The following MEF2C variants were observed in gnomAD, a reference collection of about 807,000 sequenced individuals.
MEF2C encodes the protein myocyte-specific enhancer factor 2C.
Under a neutral mutation model 50.5 loss-of-function variants are expected in MEF2C, and 6 were observed. That is an observed-to-expected ratio of 0.12 (90% CI 0.07 to 0.23). The LOEUF is 0.23. MEF2C is among the 10% of genes least tolerant of loss of function. The pLI is 1.00. For synonymous variants in MEF2C, 183 were observed against 228.0 expected, an observed-to-expected ratio of 0.80 and a Z score of 1.78; for missense variants, 276 against 605.0, an observed-to-expected ratio of 0.46 and a Z score of 5.70.
At position 88,804,676 on chromosome 5, in the gene MEF2C, G is replaced by A. The variant is rs773278207; in HGVS notation, c.180C>T (p.Thr60=). 9.9e-5 allele frequency: 160 copies of A among 1,613,946 alleles called. No individual in the cohort carries two copies. The Admixed American group carries it at 2.4e-3, about 24-fold the overall frequency. The change falls in exon 3 of 11, where the codon ACC becomes ACT. Residue 60 remains threonine (T), a synonymous_variant. Transcript: ENST00000504921. Reference sequence around the variant, plus strand: ...ACTTGAGAAGCACTTTGTCCATGTCGGTGCTGGCATACTGGAACAGCTTGT... The same window carrying A: ...ACTTGAGAAGCACTTTGTCCATGTCAGTGCTGGCATACTGGAACAGCTTGT... ...STNKLFQYAS[T]DMDKVLLKYT... is the part of the protein sequence containing the mutation.
At chr5:88,738,262 T>A (rs1378747539) in intron 6 of MEF2C, 3 of 985,214 alleles carry the variant, frequency 3.0e-6, no homozygotes, top group African/African-American at 1.7e-5. Flanking sequence ...TCATTGACAA[T>A]CTTACCATCC....
At chr5:88,887,909 AGGTTTAC>A (rs1834168393), upstream of MEF2C, among the ~76,000 whole-genome samples, 1 of 152,228 alleles carries the variant, frequency 6.6e-6, no homozygotes, top group African/African-American at 2.4e-5. Flanking sequence ...TTTCAAGACA[AGGTTTAC>A]ACATATCTAA....
chr5:88,865,988 T>C (rs552362859), intron 1 of MEF2C, among the ~76,000 whole-genome samples: 33 of 152,032 alleles, frequency 2.2e-4, no homozygotes, highest in East Asian at 1.4e-3. Context: ...CTCCGCCTCC[T>C]GGGTTCACGC....
chr5:88,823,637 T>C (rs1269619950), intron 2 of MEF2C, 98 bp downstream of exon 2: 4 of 1,142,688 alleles, frequency 3.5e-6, no homozygotes, highest in Non-Finnish European at 5.0e-6. Context: ...CTTCTCTTAA[T>C]AGATATTTAC....
chr5:88,745,867 C>T (rs1027852318), intron 6 of MEF2C, among the ~76,000 whole-genome samples: 1 of 152,212 alleles, frequency 6.6e-6, no homozygotes, highest in Non-Finnish European at 1.5e-5. Flanking sequence ...TGGGCTCTTC[C>T]TTGTGCAATT....
chr5:88,862,261 A>G (rs1331700571), intron 1 of MEF2C, among the ~76,000 whole-genome samples: 1 of 152,142 alleles, frequency 6.6e-6, no homozygotes, highest in African/African-American at 2.4e-5. Context: ...TGGAACTAGT[A>G]TTTTTATTTT....
At chr5:88,725,840 C>T (rs1758471560) in intron 10 of MEF2C, among the ~76,000 whole-genome samples, 12 of 152,118 alleles carry the variant, frequency 7.9e-5, no homozygotes, top group Admixed American at 7.9e-4. Context: ...ACACCCACAT[C>T]AACAAAGTTG....
At chr5:88,756,952 A>G (rs1775647293) in intron 4 of MEF2C, among the ~76,000 whole-genome samples, 1 of 152,188 alleles carries the variant, frequency 6.6e-6, no homozygotes, top group Non-Finnish European at 1.5e-5. Context: ...TGGCTATGTA[A>G]TTTGCAGGGC....
chr5:88,820,865 T>C (rs779683180), intron 2 of MEF2C, among the ~76,000 whole-genome samples: 2 of 152,014 alleles, frequency 1.3e-5, no homozygotes, highest in East Asian at 1.9e-4. Flanking sequence ...ACTGCTCTCA[T>C]AGTAGGTGAG....
intron 4 of MEF2C, among the ~76,000 whole-genome samples, chr5:88,753,468 T>G (rs1385852524): frequency 6.6e-6 from 1 of 152,218 alleles, no homozygotes; most frequent in Non-Finnish European, 1.5e-5. Context: ...CCATCTCTGC[T>G]CACTGCAACC....
intron 1 of MEF2C, among the ~76,000 whole-genome samples, chr5:88,849,268 A>G (rs1158616971): frequency 6.6e-5 from 10 of 152,116 alleles, no homozygotes; most frequent in Non-Finnish European, 2.9e-5. Flanking sequence ...ATAAATCCAC[A>G]TGCTCCAACT....
intron 1 of MEF2C, among the ~76,000 whole-genome samples, chr5:88,864,806 G>A (rs1486393200): frequency 1.4e-5 from 2 of 148,046 alleles, no homozygotes; most frequent in Non-Finnish European, 3.0e-5. Flanking sequence ...TCGCTCTGTC[G>A]CCTAGGCCGG....
At chr5:88,731,980 A>G in intron 6 of MEF2C, 79 bp from the exon 7 acceptor site, 1 of 1,326,512 alleles carries the variant, frequency 7.5e-7, no homozygotes, top group Non-Finnish European at 1.0e-6. Context: ...ACATGAGAAT[A>G]AAAACAAAAG....
At chr5:88,729,405 A>G (rs1760410500) in intron 8 of MEF2C, 58 bp from the exon 9 acceptor site, 2 of 1,410,840 alleles carry the variant, frequency 1.4e-6, no homozygotes, top group East Asian at 5.0e-5. Context: ...TAAAAATATT[A>G]GATTTCAGTA....
chr5:88,813,999 A>T (rs1412134682), intron 2 of MEF2C, among the ~76,000 whole-genome samples: 1 of 152,004 alleles, frequency 6.6e-6, no homozygotes, highest in Non-Finnish European at 1.5e-5. Context: ...AGTTGAGGAA[A>T]CAGAATGACT....
chr5:88,860,208 A>T (rs369319412), intron 1 of MEF2C, among the ~76,000 whole-genome samples: 14 of 152,344 alleles, frequency 9.2e-5, no homozygotes, highest in Admixed American at 4.6e-4. Context: ...GGAAAGTGCC[A>T]AAGAAATGAA....
At chr5:88,864,975 C>A (rs926959290) in intron 1 of MEF2C, among the ~76,000 whole-genome samples, 1 of 152,048 alleles carries the variant, frequency 6.6e-6, no homozygotes, top group Non-Finnish European at 1.5e-5. Context: ...TCCAGGTTGG[C>A]CAGGCTGGCC....
At chr5:88,769,584 A>G (rs905515431) in intron 3 of MEF2C, among the ~76,000 whole-genome samples, 20 of 152,222 alleles carry the variant, frequency 1.3e-4, no homozygotes, top group Non-Finnish European at 2.9e-5. Flanking sequence ...AACATTTAAT[A>G]TATAATAATT....
At chr5:88,763,237 G>T (rs1778622587) in intron 3 of MEF2C, among the ~76,000 whole-genome samples, 2 of 152,126 alleles carry the variant, frequency 1.3e-5, no homozygotes, top group Non-Finnish European at 2.9e-5. Flanking sequence ...TTACAATCTT[G>T]GGGAATTTAT....
Sources: gnomAD v4.1 joint callset for allele counts (sites outside exome capture counted in the v4.1 genomes callset) on GRCh38, gnomAD v4.1.1 for gene constraint, MANE v1.5 for transcripts, NCBI Gene and HGNC (gene_info 2026-07-23, HGNC 2026-07-21) for gene names.